DPH6: variants seen among roughly 807,000 people sequenced by gnomAD.
DPH6 encodes the protein diphthine--ammonia ligase.
A neutral mutation model predicts 38.2 loss-of-function variants in DPH6; 33 were observed. That is an observed-to-expected ratio of 0.86 (90% CI 0.65 to 1.15). The LOEUF (loss-of-function observed/expected upper bound fraction) is 1.15, where lower values mean the gene tolerates loss of function less well. DPH6 is among the 50% of genes most tolerant of loss of function. The pLI, the probability that DPH6 is intolerant of heterozygous loss-of-function variation, is 0.00. For synonymous variants in DPH6, 108 were observed against 103.0 expected (o/e 1.05, Z -0.30); for missense variants, 325 against 320.0 (o/e 1.02, Z -0.12).
In DPH6 at chr15:35,450,669, T is replaced by C. The variant is rs759264738; in HGVS notation, c.505+16A>G. On this transcript the variant is annotated intron_variant, in intron 5 of 8. Transcript: ENST00000256538. ...ATGTGGCAACAAACAGCTCCCTTGA[T>C]AGTTTGGCTGCATACCCAAAGCTGC... 2 of 1,597,222 alleles carry C rather than the reference T, an allele frequency of 1.3e-6. No individual in the cohort carries two copies. The highest frequency in any genetic ancestry group is 2.2e-5 in the East Asian group (1 of 44,640).
At chr15:35,222,600 C>T (rs2051449855) in intron 3 of DPH6, among the ~76,000 whole-genome samples, 1 of 152,072 alleles carries the variant, frequency 6.6e-6, no homozygotes, top group Non-Finnish European at 1.5e-5. Flanking sequence ...CTTTGACTAG[C>T]CTTTCACTGA....
chr15:35,338,058 G>A (rs536158838), intron 3 of DPH6, among the ~76,000 whole-genome samples: 127 of 152,108 alleles, frequency 8.3e-4, no homozygotes, highest in African/African-American at 2.9e-3. Context: ...TTAAACATTA[G>A]ACCTAAAACC....
chr15:35,212,527 T>A (rs1221500666), downstream of DPH6, among the ~76,000 whole-genome samples: 1 of 152,336 alleles, frequency 6.6e-6, no homozygotes, highest in African/African-American at 2.4e-5. Context: ...TAAAAAAATA[T>A]GATTCCTCTT....
intron 3 of DPH6, among the ~76,000 whole-genome samples, chr15:35,265,551 G>A (rs1367583977): frequency 1.3e-5 from 2 of 152,160 alleles, no homozygotes; most frequent in African/African-American, 4.8e-5. Flanking sequence ...ATCTGCAAGA[G>A]TCCTCCTCTG....
At chr15:35,518,013 TTACTA>T (rs1566937859) in intron 3 of DPH6, among the ~76,000 whole-genome samples, 1 of 152,098 alleles carries the variant, frequency 6.6e-6, no homozygotes, top group Non-Finnish European at 1.5e-5. Flanking sequence ...AACAATTACT[TTACTA>T]TTAGATGGCT....
chr15:35,367,499 C>G (rs1254244900), downstream of DPH6, among the ~76,000 whole-genome samples: 1 of 151,710 alleles, frequency 6.6e-6, no homozygotes. Context: ...TTCATTTTCT[C>G]AAGCCTGTCA....
the DPH6 span, among the ~76,000 whole-genome samples, chr15:35,170,356 T>C: frequency 6.6e-6 from 1 of 152,208 alleles, no homozygotes; most frequent in African/African-American, 2.4e-5. Context: ...ACTGGAGTGT[T>C]TCTGTCTCTT....
At chr15:35,179,798 G>A in the DPH6 span, among the ~76,000 whole-genome samples, 1 of 152,184 alleles carries the variant, frequency 6.6e-6, no homozygotes, top group Non-Finnish European at 1.5e-5. Flanking sequence ...GCTCTATGCT[G>A]CAAAACTAAG....
At chr15:35,284,076 G>A (rs1486719366) in intron 3 of DPH6, among the ~76,000 whole-genome samples, 1 of 152,080 alleles carries the variant, frequency 6.6e-6, no homozygotes, top group African/African-American at 2.4e-5. Context: ...TTCTCTTCTG[G>A]TAACAGGGAA....
At position 35,489,478 on chromosome 15, in the gene DPH6, G is replaced by A; in HGVS notation, c.313-34658C>T. The stretch of plus-strand genomic sequence containing the variant: ...AATATATTACTCAAAGGCATATTAG[G>A]CATATAATAAATATGAACTAGAATT... On this transcript the variant is annotated intron_variant, in intron 3 of 8. Coordinates refer to ENST00000256538, the MANE Select transcript of DPH6 (RefSeq NM_080650.4). 3.1e-6 allele frequency: 3 copies of A among 982,134 alleles called. No homozygotes were observed. The South Asian group carries it at 1.4e-4, about 46-fold the overall frequency. The allele number at this position is 982,134 out of a possible 1,614,324, so 60.8% of individuals were successfully genotyped here.
intron 7 of DPH6, among the ~76,000 whole-genome samples, chr15:35,373,925 G>A (rs1406700211): frequency 6.6e-6 from 1 of 151,888 alleles, no homozygotes; most frequent in African/African-American, 2.4e-5. Context: ...TCACGTATTT[G>A]CTTGGTATAG....
At chr15:35,524,563 G>C (rs2054970703) in intron 3 of DPH6, among the ~76,000 whole-genome samples, 1 of 152,146 alleles carries the variant, frequency 6.6e-6, no homozygotes, top group African/African-American at 2.4e-5. Flanking sequence ...GGAGGCAGCA[G>C]AACATAGTGA....
At chr15:35,273,925 C>G (rs2051839895) in intron 3 of DPH6, among the ~76,000 whole-genome samples, 1 of 152,020 alleles carries the variant, frequency 6.6e-6, no homozygotes, top group Non-Finnish European at 1.5e-5. Flanking sequence ...CATATGGAAC[C>G]AAAAAAGAGT....
intron 3 of DPH6, among the ~76,000 whole-genome samples, chr15:35,223,558 C>T (rs1309914407): frequency 6.6e-6 from 1 of 152,020 alleles, no homozygotes; most frequent in Non-Finnish European, 1.5e-5. Flanking sequence ...CGGTGGTGGA[C>T]GCCTGTAGTC....
chr15:35,352,604 A>G (rs2052524740), intron 3 of DPH6, among the ~76,000 whole-genome samples: 1 of 152,238 alleles, frequency 6.6e-6, no homozygotes, highest in African/African-American at 2.4e-5. Flanking sequence ...TACAAAGGAC[A>G]TGAACTCATC....
chr15:35,246,995 T>C (rs908154552), intron 3 of DPH6, among the ~76,000 whole-genome samples: 2 of 152,206 alleles, frequency 1.3e-5, no homozygotes, highest in African/African-American at 2.4e-5. Context: ...AGTTTTTCTC[T>C]CCTTGTTCAT....
chr15:35,304,880 G>T (rs905296825), intron 3 of DPH6, among the ~76,000 whole-genome samples: 1 of 151,412 alleles, frequency 6.6e-6, no homozygotes, highest in East Asian at 1.9e-4. Flanking sequence ...ACAAACGAAC[G>T]TGATATACTT....
chr15:35,192,603 T>A, the DPH6 span, among the ~76,000 whole-genome samples: 1 of 152,308 alleles, frequency 6.6e-6, no homozygotes, highest in African/African-American at 2.4e-5. Context: ...GGGATTAAGC[T>A]TGAGTATTAA....
chr15:35,245,428 T>TG lies in DPH6; in HGVS notation n.201-24847dup, dbSNP rs1289418320. Among the ~76,000 whole-genome samples, 3 of 152,128 alleles carry TG rather than the reference T, an allele frequency of 2.0e-5. No homozygotes were observed. In the East Asian group the frequency reaches 5.8e-4, roughly 30 times the overall value. ...TAATTTTTTGTATTTTTAGTAGAGA[T>TG]GGGGTTTCACTGTGTTAGCCAGGAT... is the stretch of plus-strand genomic sequence containing the variant. On this transcript the variant is annotated intron_variant and non_coding_transcript_variant, in intron 3 of 3. Coordinates refer to the DPH6 transcript ENST00000560386.
Sources: allele counts gnomAD v4.1 joint callset (sites outside exome capture counted in the v4.1 genomes callset), GRCh38; gene constraint gnomAD v4.1.1; transcripts MANE v1.5; gene names NCBI Gene and HGNC (gene_info 2026-07-23, HGNC 2026-07-21).